Variants in POM121 observed in about 807,000 individuals in gnomAD.
POM121 encodes nuclear envelope pore membrane protein POM 121.
A neutral mutation model predicts 81.3 loss-of-function variants in POM121; 32 were observed. The ratio of observed to expected loss-of-function variants is 0.39; its 90% CI spans 0.30 to 0.53. The LOEUF (loss-of-function observed/expected upper bound fraction) is 0.53. Ranked by LOEUF, POM121 falls within the 20% of genes least tolerant of loss-of-function variation. The pLI is 0.66. For missense variants in POM121, 1,138 were observed against 1,614.6 expected, an observed-to-expected ratio of 0.70 and a Z score of 5.06; for synonymous variants, 514 against 694.2, an observed-to-expected ratio of 0.74 and a Z score of 4.08.
intron 5 of POM121, among the ~76,000 whole-genome samples, chr7:72,934,494 T>C (rs1796325464): frequency 6.6e-6 from 1 of 152,178 alleles, no homozygotes; most frequent in Non-Finnish European, 1.5e-5. Flanking sequence ...CTCTTGCCAT[T>C]CTACTTCCTT....
At chr7:72,935,844 G>A (rs1459546644) in intron 5 of POM121, among the ~76,000 whole-genome samples, 3 of 152,212 alleles carry the variant, frequency 2.0e-5, no homozygotes, top group Non-Finnish European at 4.4e-5. Flanking sequence ...CCTTCAAAAT[G>A]TGATTGGCTG....
rs183725006 is a variant in POM121, at chr7:72,934,419, C to A, written c.1276-4171C>A. On this transcript the variant is annotated intron_variant, in intron 5 of 12. Coordinates refer to ENST00000434423, the MANE Select transcript of POM121 (RefSeq NM_001387691.1). ...TGTCTTTTTCTTAGAGATTTGAATA[C>A]GCTCTTTATATGTTCTAGATACAAG... Among the ~76,000 whole-genome samples, 25 of 152,292 alleles carry A rather than the reference C, an allele frequency of 1.6e-4. No individual in the cohort carries two copies. The South Asian group carries it at 5.0e-3, about 30-fold the overall frequency.
intron 3 of POM121, among the ~76,000 whole-genome samples, chr7:72,894,626 GGAGAGAGAGAGAGA>G (rs71071923): frequency 0.03 from 709 of 23,258 alleles, 5 homozygotes; most frequent in Admixed American, 0.055. Context: ...GAGAGAGAGA[GGAGAGAGAGAGAGA>G]GAGAGAGAGA....
intron 1 of POM121, among the ~76,000 whole-genome samples, chr7:72,884,559 TTGATAGCAAATATATACATATATTTG>T: frequency 5.4e-5 from 3 of 55,968 alleles, no homozygotes; most frequent in African/African-American, 1.6e-4. Flanking sequence ...TAATATATAT[TTGATAGCAAATATATACATATATTTG>T]ATAGCATTAT....
intron 5 of POM121, among the ~76,000 whole-genome samples, chr7:72,932,709 G>T (rs151222959): frequency 0.012 from 1,797 of 152,266 alleles, 18 homozygotes; most frequent in Middle Eastern, 0.027. Flanking sequence ...GGCCTCACCA[G>T]CAGATTTGGT....
intron 3 of POM121, among the ~76,000 whole-genome samples, chr7:72,897,554 A>C (rs1792090691): frequency 6.6e-6 from 1 of 152,202 alleles, no homozygotes; most frequent in Non-Finnish European, 1.5e-5. Context: ...ATGAGATTCA[A>C]CTTAGTGTTT....
upstream of POM121, among the ~76,000 whole-genome samples, chr7:72,922,413 G>A (rs1794898297): frequency 6.6e-6 from 1 of 152,102 alleles, no homozygotes; most frequent in Non-Finnish European, 1.5e-5. Flanking sequence ...GGGGGATGGA[G>A]TCTCACTCTG....
chr7:72,900,794 C>T (rs1295313779), intron 3 of POM121, among the ~76,000 whole-genome samples: 5 of 151,898 alleles, frequency 3.3e-5, no homozygotes, highest in Non-Finnish European at 5.9e-5. Context: ...GTGAGCCACC[C>T]CTCCCAGCCT....
Position 72,925,716 on chromosome 7 carries a change from C to T in POM121, c.595C>T (p.Pro199Ser), listed in dbSNP as rs1161848727. 5 of 1,166,628 alleles carry T rather than the reference C, an allele frequency of 4.3e-6. No individual in the cohort carries two copies. The highest frequency in any genetic ancestry group is 4.3e-6 in the Non-Finnish European group (4 of 939,218). 72.3% of individuals were successfully genotyped at this position (1,166,628 alleles called of 1,614,324 possible). The change falls in exon 1 of 13, where the codon CCC becomes TCC. Residue 199 changes from proline (P) to serine (S), a missense_variant. Transcript: ENST00000434423. ...PPTHRAHHVY[P>S]SLPTPLLRPS... ...GACCCATCGCGCTCACCACGTTTAC[C>T]CCTCTCTGCCCACTCCTCTTCTCCG... is the stretch of plus-strand genomic sequence containing the variant.
At chr7:72,891,070 G>A (rs1791252543) in exon 3 of POM121, 7 of 1,050,870 alleles carry the variant, frequency 6.7e-6, no homozygotes, top group Non-Finnish European at 1.0e-5. Context: ...GAGAGGAGCT[G>A]TGGATAACGG....
At chr7:72,917,994 A>G (rs1554495370) in intron 4 of POM121, among the ~76,000 whole-genome samples, 1 of 152,136 alleles carries the variant, frequency 6.6e-6, no homozygotes, top group African/African-American at 2.4e-5. Flanking sequence ...AGAGGAGACA[A>G]AGAGAAAGAT....
chr7:72,949,076 G>C (rs1255822285), downstream of POM121: 5 of 1,613,176 alleles, frequency 3.1e-6, no homozygotes, highest in Non-Finnish European at 4.2e-6. Flanking sequence ...CCTGCCCCGG[G>C]CTCCTCCAGC....
chr7:72,925,317 T>C lies in POM121; in HGVS notation c.196T>C (p.Trp66Arg), dbSNP rs1278677197. 1 of 1,534,308 alleles carries C rather than the reference T, an allele frequency of 6.5e-7. No homozygotes were observed. The highest frequency in any genetic ancestry group is 8.7e-7 in the Non-Finnish European group (1 of 1,146,474). The stretch of plus-strand genomic sequence containing the variant: ...GCTGACCGTGGGGGCTACCGCGGCC[T>C]GGTGGGGACTGAGCCGCGAGCCCCG... ...AWLTVGATAAWWGLSREPRGS... is the reference protein window; with the variant it reads ...AWLTVGATAARWGLSREPRGS... The change falls in exon 1 of 13, where the codon TGG becomes CGG. Residue 66 changes from tryptophan (W) to arginine (R), a missense_variant. By Grantham distance (101) the Trp-to-Arg change is moderately radical. Transcript: ENST00000434423.
At chr7:72,884,771 A>AT (rs369599951) in intron 1 of POM121, among the ~76,000 whole-genome samples, 4 of 113,794 alleles carry the variant, frequency 3.5e-5, no homozygotes, top group African/African-American at 1.3e-4. Context: ...ATATATATAT[A>AT]TTTTTTTTCT....
intron 1 of POM121, among the ~76,000 whole-genome samples, chr7:72,886,167 A>G (rs1297362334): frequency 1.3e-5 from 2 of 151,442 alleles, no homozygotes; most frequent in African/African-American, 4.9e-5. Context: ...TTATTTATTT[A>G]TTTATTTATT....
Position 72,946,204 on chromosome 7 carries a change from G to A in POM121, c.3720G>A (p.Gln1240=), listed in dbSNP as rs782375154. The A allele has an allele frequency of 8.7e-6, 14 of 1,611,624 alleles. No homozygotes were observed. In the East Asian group the frequency reaches 1.1e-4, roughly 13 times the overall value. The part of the protein sequence containing the change: ...SKTPGARQRL[Q]ARRQHTRKK ...CCCCAGGGGCTCGACAGCGACTGCAGGCCCGAAGGCAGCACACCCGCAAAA... is the reference window on the plus strand; with the variant it reads ...CCCCAGGGGCTCGACAGCGACTGCAAGCCCGAAGGCAGCACACCCGCAAAA... Residue 1240 remains glutamine (Q), a synonymous_variant, in exon 13 of 13, where the codon CAG becomes CAA. Transcript: ENST00000434423.
chr7:72,902,069 G>A (rs529107144), intron 3 of POM121, among the ~76,000 whole-genome samples: 2 of 151,026 alleles, frequency 1.3e-5, no homozygotes, highest in East Asian at 2.0e-4. Context: ...CCGAGATCGC[G>A]CCATTGCACT....
At chr7:72,890,675 T>C in exon 2 of POM121, 3 of 1,601,256 alleles carry the variant, frequency 1.9e-6, no homozygotes, top group African/African-American at 1.3e-5. Flanking sequence ...CCAGGAGGAG[T>C]GGTGGCAACT....
chr7:72,929,890 A>G, intron 4 of POM121, 50 bp from the exon 5 acceptor site: 3 of 1,510,034 alleles, frequency 2.0e-6, no homozygotes, highest in Non-Finnish European at 1.8e-6. Flanking sequence ...ATGAAATCGT[A>G]AAAGAATTTT....
Sources: allele counts gnomAD v4.1 joint callset (sites outside exome capture counted in the v4.1 genomes callset), GRCh38; gene constraint gnomAD v4.1.1; transcripts MANE v1.5; gene names NCBI Gene and HGNC (gene_info 2026-07-23, HGNC 2026-07-21).